The following ARHGAP15 variants were observed in gnomAD, a reference collection of about 807,000 sequenced individuals.
ARHGAP15 encodes the protein rho GTPase-activating protein 15.
Under a neutral mutation model 63.7 loss-of-function variants are expected in ARHGAP15, and 51 were observed. The observed-to-expected ratio is 0.80, with a 90% confidence interval of 0.64 to 1.01. ARHGAP15 has a LOEUF of 1.01. Among genes scored for constraint, ARHGAP15 ranks in the 50% least tolerant of loss-of-function variants. The probability of loss-of-function intolerance (pLI) is 0.00; values close to 1 mark genes in which losing one functional copy is unlikely to be tolerated. For missense variants in ARHGAP15, 560 were observed against 564.6 expected, an observed-to-expected ratio of 0.99 and a Z score of 0.08; for synonymous variants, 191 against 193.8, an observed-to-expected ratio of 0.99 and a Z score of 0.12.
Position 143,316,159 on chromosome 2 carries a change from C to T in ARHGAP15, c.474+65559C>T, listed in dbSNP as rs192579268. ...ATTTTTTAATTCAAATTGTTCCAGACGGGGCATTATTTAAGAAAATCAGAC... is the reference window on the plus strand; with the variant it reads ...ATTTTTTAATTCAAATTGTTCCAGATGGGGCATTATTTAAGAAAATCAGAC... On this transcript the variant is annotated intron_variant, in intron 6 of 13. Coordinates refer to ENST00000295095, the MANE Select transcript of ARHGAP15 (RefSeq NM_018460.4). Among the ~76,000 whole-genome samples the T allele has an allele frequency of 4.7e-4, 72 of 152,018 alleles. 2 individuals carry two copies. The highest frequency in any genetic ancestry group is 3.4e-3 in the Middle Eastern group (1 of 294).
chr2:143,515,917 C>T (rs542287248), intron 9 of ARHGAP15, among the ~76,000 whole-genome samples: 2 of 152,230 alleles, frequency 1.3e-5, no homozygotes, highest in South Asian at 4.1e-4. Flanking sequence ...CTCGGCATAC[C>T]CCAGTCTTCC....
intron 10 of ARHGAP15, among the ~76,000 whole-genome samples, chr2:143,527,440 G>A (rs939145110): frequency 6.6e-6 from 1 of 151,256 alleles, no homozygotes; most frequent in South Asian, 2.1e-4. Context: ...CTCTTTGCCT[G>A]ATTTTATACG....
chr2:143,497,899 G>T (rs539416960), intron 9 of ARHGAP15, among the ~76,000 whole-genome samples: 41 of 152,282 alleles, frequency 2.7e-4, no homozygotes, highest in African/African-American at 9.4e-4. Context: ...CACATGGTGT[G>T]TATGTTGAGT....
intron 2 of ARHGAP15, among the ~76,000 whole-genome samples, chr2:143,200,247 C>A (rs780551195): frequency 7.2e-5 from 11 of 152,054 alleles, no homozygotes; most frequent in Non-Finnish European, 1.2e-4. Context: ...CCATAGGACA[C>A]CTGTGAAGCG....
In ARHGAP15 at chr2:143,187,543, C is replaced by A. The variant is rs574597797; in HGVS notation, c.166-14591C>A. ...ATTAATCCATTTGATCACTCCACAACTCTAGGAAATAGGAGCTATTATTGC... is the reference window on the plus strand; with the variant it reads ...ATTAATCCATTTGATCACTCCACAAATCTAGGAAATAGGAGCTATTATTGC... On this transcript the variant is annotated intron_variant, in intron 2 of 13. Transcript: ENST00000295095. 4.6e-5 allele frequency among the ~76,000 whole-genome samples: 7 copies of A among 152,338 alleles called. No individual in the cohort carries two copies. In the East Asian group the frequency reaches 1.3e-3, roughly 29 times the overall value.
In ARHGAP15 at chr2:143,190,691, G is replaced by C. The variant is rs970380919; in HGVS notation, c.166-11443G>C. On this transcript the variant is annotated intron_variant, in intron 2 of 13. Coordinates refer to ENST00000295095, the MANE Select transcript of ARHGAP15 (RefSeq NM_018460.4). The stretch of plus-strand genomic sequence containing the variant: ...CCTTTCTGAATGATGGCTGTTGCAG[G>C]CAGTCTTGACCATATCTTCATGGTA... 7.2e-5 allele frequency among the ~76,000 whole-genome samples: 11 copies of C among 152,188 alleles called. No homozygotes were observed. The East Asian group carries it at 2.1e-3, about 29-fold the overall frequency.
chr2:143,613,070 T>C (rs1281460442), intron 11 of ARHGAP15, among the ~76,000 whole-genome samples: 1 of 152,198 alleles, frequency 6.6e-6, no homozygotes. Flanking sequence ...CCCAGAAACA[T>C]AGCCCTGGGC....
intron 2 of ARHGAP15, among the ~76,000 whole-genome samples, chr2:143,167,602 A>G (rs1372786553): frequency 6.6e-6 from 1 of 152,098 alleles, no homozygotes; most frequent in African/African-American, 2.4e-5. Flanking sequence ...TGCTTTGATG[A>G]AACCTTGTTC....
intron 8 of ARHGAP15, among the ~76,000 whole-genome samples, chr2:143,461,018 G>T (rs939506628): frequency 6.6e-6 from 1 of 152,128 alleles, no homozygotes; most frequent in African/African-American, 2.4e-5. Context: ...GGCTGGGCAT[G>T]GTGGCGCACG....
At chr2:143,724,199 G>A (rs1224439701) in intron 13 of ARHGAP15, among the ~76,000 whole-genome samples, 5 of 152,118 alleles carry the variant, frequency 3.3e-5, no homozygotes, top group African/African-American at 1.2e-4. Context: ...TAGCTGGAGT[G>A]GAGAGGTCAC....
At chr2:143,567,111 G>A (rs192089918) in intron 11 of ARHGAP15, among the ~76,000 whole-genome samples, 1 of 151,956 alleles carries the variant, frequency 6.6e-6, no homozygotes, top group Non-Finnish European at 1.5e-5. Context: ...TCCTGACCTC[G>A]TGATCTGCCC....
intron 6 of ARHGAP15, among the ~76,000 whole-genome samples, chr2:143,264,610 T>G (rs1680900248): frequency 6.6e-6 from 1 of 152,036 alleles, no homozygotes. Flanking sequence ...GTCCCGGGCT[T>G]GTGGTCATAT....
Position 143,743,599 on chromosome 2 carries a change from G to A in ARHGAP15, c.1245-24390G>A, listed in dbSNP as rs558786179. Among the ~76,000 whole-genome samples, 25 of 152,232 alleles carry A rather than the reference G, an allele frequency of 1.6e-4. No individual in the cohort carries two copies. In the South Asian group the frequency reaches 4.2e-3, roughly 25 times the overall value. On this transcript the variant is annotated intron_variant, in intron 13 of 13. Transcript: ENST00000295095. The stretch of plus-strand genomic sequence containing the variant: ...TCTCTCTGCCATGAAAGCCATGTTC[G>A]GGGACAGCACTAGGTTGTACCTGGT...
chr2:143,365,766 C>T (rs1410934097), intron 6 of ARHGAP15, among the ~76,000 whole-genome samples: 1 of 152,018 alleles, frequency 6.6e-6, no homozygotes, highest in Non-Finnish European at 1.5e-5. Flanking sequence ...ATAATCATAC[C>T]CACCTTTGAA....
intron 6 of ARHGAP15, among the ~76,000 whole-genome samples, chr2:143,383,207 A>G (rs536675607): frequency 6.6e-6 from 1 of 152,312 alleles, no homozygotes; most frequent in East Asian, 1.9e-4. Context: ...TTTCAGAACT[A>G]TTGCACAATT....
chr2:143,768,080 G>A lies in ARHGAP15; in HGVS notation c.1336G>A (p.Gly446Arg). 6.2e-7 allele frequency: 1 copy of A among 1,613,772 alleles called. No individual in the cohort carries two copies. Residue 446 changes from glycine to arginine, a missense_variant, in exon 14 of 14, where the codon GGA (glycine) becomes AGA (arginine). Transcript: ENST00000295095. ...CCTTCTGCGAGCTGAAAATGAAACAGGAAACATGGCGATCCACATGGTCTA... is the reference window on the plus strand; with the variant it reads ...CCTTCTGCGAGCTGAAAATGAAACAAGAAACATGGCGATCCACATGGTCTA... The part of the protein sequence containing the change: ...PTLLRAENET[G>R]NMAIHMVYQN...
intron 10 of ARHGAP15, among the ~76,000 whole-genome samples, chr2:143,526,264 A>T (rs1279307858): frequency 1.3e-5 from 2 of 152,132 alleles, no homozygotes; most frequent in African/African-American, 4.8e-5. Context: ...CAGAGAGGCT[A>T]TCTAAGAAAT....
chr2:143,492,927 G>C (rs905259620), intron 9 of ARHGAP15, among the ~76,000 whole-genome samples: 1 of 151,902 alleles, frequency 6.6e-6, no homozygotes. Context: ...CCGTGGTGGC[G>C]GGCACCTGTA....
At chr2:143,671,686 C>T (rs1177186334) in intron 12 of ARHGAP15, among the ~76,000 whole-genome samples, 1 of 152,136 alleles carries the variant, frequency 6.6e-6, no homozygotes, top group African/African-American at 2.4e-5. Context: ...ACTGTACCTT[C>T]AGTTCGTTTT....
Sources: allele counts gnomAD v4.1 joint callset (sites outside exome capture counted in the v4.1 genomes callset), GRCh38; gene constraint gnomAD v4.1.1; transcripts MANE v1.5; gene names NCBI Gene and HGNC (gene_info 2026-07-23, HGNC 2026-07-21).